The following ANKRD13C variants were observed in gnomAD, a reference collection of about 807,000 sequenced individuals.
ANKRD13C encodes the protein ankyrin repeat domain-containing protein 13C.
A neutral mutation model predicts 65.5 loss-of-function variants in ANKRD13C; 16 were observed. The observed-to-expected ratio is 0.24, with a 90% CI of 0.17 to 0.37. The LOEUF (loss-of-function observed/expected upper bound fraction) is 0.37, where lower values mean the gene tolerates loss of function less well. ANKRD13C is among the 10% of genes least tolerant of loss of function. The probability of loss-of-function intolerance (pLI) is 1.00; values close to 1 mark genes in which losing one functional copy is unlikely to be tolerated. For synonymous variants in ANKRD13C, 235 were observed against 238.7 expected (o/e 0.98, Z 0.14); for missense variants, 503 against 655.9 (o/e 0.77, Z 2.55).
chr1:70,274,847 A>C, intron 10 of ANKRD13C, 29 bp from the exon 11 acceptor site: 2 of 1,453,680 alleles, frequency 1.4e-6, no homozygotes, highest in Non-Finnish European at 1.9e-6. Flanking sequence ...AAATGTTAGG[A>C]AACTTTTTCC....
At chr1:70,270,141 T>C (rs1363151241) in intron 12 of ANKRD13C, among the ~76,000 whole-genome samples, 1 of 152,218 alleles carries the variant, frequency 6.6e-6, no homozygotes, top group Non-Finnish European at 1.5e-5. Context: ...TATTACTTTA[T>C]CCATCAACAG....
At chr1:70,275,961 C>CAAAA (rs1209279880) in intron 10 of ANKRD13C, among the ~76,000 whole-genome samples, 18 of 37,236 alleles carry the variant, frequency 4.8e-4, no homozygotes, top group African/African-American at 1.4e-3. Context: ...GACTCCATCT[C>CAAAA]AAAAAAAAAA....
chr1:70,269,240 G>A (rs1051004553), intron 12 of ANKRD13C, among the ~76,000 whole-genome samples: 1 of 152,090 alleles, frequency 6.6e-6, no homozygotes, highest in African/African-American at 2.4e-5. Context: ...ATTATTCCTT[G>A]TTAAAAATGT....
rs551137345 is a variant in ANKRD13C, at chr1:70,288,894, TGA to T, written c.1215+3492_1215+3493del. ...GACGTTACCACTGGGGGAAACTGGGTGAGGCATACATGGAATCCCTGTATGAT... is the reference window on the plus strand; with the variant it reads ...GACGTTACCACTGGGGGAAACTGGGTGGCATACATGGAATCCCTGTATGAT... On this transcript the variant is annotated intron_variant, in intron 9 of 12. Transcript: ENST00000370944. Among the ~76,000 whole-genome samples the T allele has an allele frequency of 2.1e-4, 32 of 152,296 alleles. No individual in the cohort carries two copies. In the South Asian group the frequency reaches 6.6e-3, roughly 32 times the overall value.
chr1:70,301,264 A>G (rs995778066), intron 6 of ANKRD13C, among the ~76,000 whole-genome samples: 54 of 151,754 alleles, frequency 3.6e-4, no homozygotes, highest in African/African-American at 1.3e-3. Context: ...ATGTTTCCCC[A>G]TATTTGGGGT....
intron 11 of ANKRD13C, among the ~76,000 whole-genome samples, chr1:70,272,295 G>A (rs1163499482): frequency 1.3e-5 from 2 of 151,056 alleles, no homozygotes; most frequent in Non-Finnish European, 1.5e-5. Context: ...GCGTGATGTC[G>A]GCTCAACGCA....
At chr1:70,286,284 A>C (rs1679620802) in intron 9 of ANKRD13C, among the ~76,000 whole-genome samples, 1 of 152,160 alleles carries the variant, frequency 6.6e-6, no homozygotes, top group Non-Finnish European at 1.5e-5. Flanking sequence ...TCTCAAATGC[A>C]ATTCTTCGAT....
intron 11 of ANKRD13C, among the ~76,000 whole-genome samples, chr1:70,274,230 T>C (rs1679024899): frequency 6.6e-6 from 1 of 151,528 alleles, no homozygotes; most frequent in Admixed American, 6.6e-5. Context: ...TCCCAGCACT[T>C]TGGGAGGCTG....
chr1:70,275,600 GCTGGTGCCTAGTGC>G (rs1342376864), intron 10 of ANKRD13C, among the ~76,000 whole-genome samples: 1 of 151,700 alleles, frequency 6.6e-6, no homozygotes, highest in African/African-American at 2.4e-5. Context: ...GGTATGGTCT[GCTGGTGCCTAGTGC>G]ATGCAGGAGG....
intron 7 of ANKRD13C, among the ~76,000 whole-genome samples, chr1:70,298,453 G>A (rs1472941619): frequency 2.0e-5 from 3 of 151,980 alleles, no homozygotes; most frequent in African/African-American, 4.8e-5. Flanking sequence ...TATCTTTCCT[G>A]TATTGTAGGC....
intron 1 of ANKRD13C, among the ~76,000 whole-genome samples, chr1:70,350,593 C>T (rs1163176528): frequency 6.6e-6 from 1 of 152,136 alleles, no homozygotes; most frequent in Non-Finnish European, 1.5e-5. Context: ...GGTAGAATCT[C>T]TTTACAAGAC....
chr1:70,299,912 G>A (rs1277905793), intron 7 of ANKRD13C, among the ~76,000 whole-genome samples: 1 of 152,104 alleles, frequency 6.6e-6, no homozygotes. Flanking sequence ...CTGGCAGTTT[G>A]TAAAAATGAG....
At chr1:70,334,454 C>G (rs941519409) in intron 2 of ANKRD13C, among the ~76,000 whole-genome samples, 2 of 152,072 alleles carry the variant, frequency 1.3e-5, no homozygotes, top group South Asian at 2.1e-4. Context: ...AAGTGAGAAC[C>G]TGTCTCTACA....
intron 6 of ANKRD13C, among the ~76,000 whole-genome samples, chr1:70,303,389 G>A (rs1680458768): frequency 6.6e-6 from 1 of 152,072 alleles, no homozygotes; most frequent in South Asian, 2.1e-4. Flanking sequence ...GATTTGAATA[G>A]AAAGTATTAT....
At chr1:70,274,846 G>C (rs1260671636) in intron 10 of ANKRD13C, 28 bp from the exon 11 acceptor site, 1 of 1,477,940 alleles carries the variant, frequency 6.8e-7, no homozygotes, top group Admixed American at 1.7e-5. Context: ...AAAATGTTAG[G>C]AAACTTTTTC....
chr1:70,286,414 C>G (rs960029714), intron 9 of ANKRD13C, among the ~76,000 whole-genome samples: 2 of 151,778 alleles, frequency 1.3e-5, no homozygotes, highest in African/African-American at 4.8e-5. Context: ...AATCTTGGTT[C>G]CTAGTAATTA....
At chr1:70,326,231 CAAAAAAAAAAAAAA>C (rs59618915) in intron 2 of ANKRD13C, among the ~76,000 whole-genome samples, 6 of 31,064 alleles carry the variant, frequency 1.9e-4, no homozygotes, top group South Asian at 3.4e-3. Context: ...AACTCTGTCT[CAAAAAAAAAAAAAA>C]AAAAAAAAAA....
chr1:70,342,336 G>A (rs1033746777), intron 1 of ANKRD13C, among the ~76,000 whole-genome samples: 3 of 152,044 alleles, frequency 2.0e-5, no homozygotes, highest in Non-Finnish European at 2.9e-5. Flanking sequence ...TCAGGAGTTC[G>A]AGATCAGCCT....
chr1:70,353,762 T>G (rs746477940), intron 1 of ANKRD13C, among the ~76,000 whole-genome samples: 3 of 152,020 alleles, frequency 2.0e-5, no homozygotes, highest in Non-Finnish European at 4.4e-5. Context: ...ACGACAAACT[T>G]TGAAGTGGGC....
Sources: allele counts gnomAD v4.1 joint callset (sites outside exome capture counted in the v4.1 genomes callset), GRCh38; gene constraint gnomAD v4.1.1; transcripts MANE v1.5; gene names NCBI Gene and HGNC (gene_info 2026-07-23, HGNC 2026-07-21).